The following AGBL4 variants were observed in gnomAD, a reference collection of about 807,000 sequenced individuals.
AGBL4 encodes AGBL carboxypeptidase 4.
Under a neutral mutation model 66.4 loss-of-function variants are expected in AGBL4, and 58 were observed. The ratio of observed to expected loss-of-function variants is 0.87; its 90% CI spans 0.71 to 1.09. The LOEUF (loss-of-function observed/expected upper bound fraction) is 1.09, where lower values mean the gene tolerates loss of function less well. AGBL4 is among the 50% of genes least tolerant of loss of function. The probability of loss-of-function intolerance (pLI) is 0.00; values close to 1 mark genes in which losing one functional copy is unlikely to be tolerated. For synonymous variants in AGBL4, 234 were observed against 222.9 expected (o/e 1.05, Z -0.44); for missense variants, 579 against 631.0 (o/e 0.92, Z 0.88).
At chr1:48,848,088 GA>G (rs958956011) in intron 6 of AGBL4, among the ~76,000 whole-genome samples, 17 of 149,340 alleles carry the variant, frequency 1.1e-4, no homozygotes, top group African/African-American at 2.2e-4. Context: ...TTTATGTGAA[GA>G]AAAAAAAAAG....
At chr1:49,763,911 C>A (rs1163171836) in intron 2 of AGBL4, among the ~76,000 whole-genome samples, 1 of 152,150 alleles carries the variant, frequency 6.6e-6, no homozygotes, top group Non-Finnish European at 1.5e-5. Flanking sequence ...CCAGACTATA[C>A]CACATGAGAC....
At chr1:49,061,953 G>T (rs907945018) in intron 4 of AGBL4, among the ~76,000 whole-genome samples, 1 of 152,150 alleles carries the variant, frequency 6.6e-6, no homozygotes, top group Non-Finnish European at 1.5e-5. Context: ...AGGCCACACA[G>T]CAGGAGGTGA....
At chr1:48,876,513 A>C (rs1649248963) in intron 5 of AGBL4, among the ~76,000 whole-genome samples, 1 of 152,144 alleles carries the variant, frequency 6.6e-6, no homozygotes, top group South Asian at 2.1e-4. Flanking sequence ...GGGGACCTGC[A>C]AGAAGAGACT....
intron 4 of AGBL4, among the ~76,000 whole-genome samples, chr1:49,083,947 C>G (rs765417127): frequency 4.6e-5 from 7 of 152,226 alleles, no homozygotes; most frequent in Non-Finnish European, 7.3e-5. Flanking sequence ...CCAAAGATCT[C>G]TAGAGCAAGG....
At chr1:48,704,876 TTCATTA>T (rs1403865093) in intron 6 of AGBL4, among the ~76,000 whole-genome samples, 1 of 152,220 alleles carries the variant, frequency 6.6e-6, no homozygotes, top group Non-Finnish European at 1.5e-5. Flanking sequence ...CCCACAGTCA[TTCATTA>T]TCATTATCAA....
At chr1:49,651,884 G>A (rs1038690460) in intron 3 of AGBL4, among the ~76,000 whole-genome samples, 7 of 151,934 alleles carry the variant, frequency 4.6e-5, no homozygotes, top group African/African-American at 1.7e-4. Context: ...CTAAAATGAT[G>A]ATTAAGAATT....
chr1:48,923,665 T>G (rs1654280451), intron 5 of AGBL4, among the ~76,000 whole-genome samples: 1 of 152,224 alleles, frequency 6.6e-6, no homozygotes, highest in South Asian at 2.1e-4. Context: ...TTGAATATTT[T>G]AATGTCACTG....
At chr1:48,712,677 G>C (rs1210702419) in intron 6 of AGBL4, among the ~76,000 whole-genome samples, 1 of 152,130 alleles carries the variant, frequency 6.6e-6, no homozygotes, top group Non-Finnish European at 1.5e-5. Flanking sequence ...AGTCACACCT[G>C]GCCTAGAGGA....
intron 3 of AGBL4, among the ~76,000 whole-genome samples, chr1:49,484,598 G>T (rs912425655): frequency 6.6e-6 from 1 of 151,946 alleles, no homozygotes; most frequent in African/African-American, 2.4e-5. Context: ...ATTATCAGAG[G>T]CTGGAAAGGG....
chr1:49,362,449 CAAAAAA>C (rs145467066), intron 3 of AGBL4, among the ~76,000 whole-genome samples: 2 of 80,904 alleles, frequency 2.5e-5, no homozygotes, highest in South Asian at 5.6e-4. Context: ...GACCCTGTCT[CAAAAAA>C]AAAAAAAAAA....
intron 1 of AGBL4, among the ~76,000 whole-genome samples, chr1:49,854,588 C>T (rs1299172658): frequency 6.6e-6 from 1 of 152,082 alleles, no homozygotes; most frequent in African/African-American, 2.4e-5. Context: ...AATCCCCCAT[C>T]AGACTACCTC....
At chr1:49,944,371 A>C (rs1198236288) in intron 1 of AGBL4, among the ~76,000 whole-genome samples, 1 of 152,154 alleles carries the variant, frequency 6.6e-6, no homozygotes, top group East Asian at 1.9e-4. Flanking sequence ...GTTTCATAAC[A>C]CAGGACTCTG....
intron 4 of AGBL4, among the ~76,000 whole-genome samples, chr1:49,225,909 A>G (rs879812971): frequency 6.6e-6 from 1 of 152,208 alleles, no homozygotes; most frequent in Non-Finnish European, 1.5e-5. Context: ...CTTGAGAACT[A>G]GATTCACATC....
intron 2 of AGBL4, among the ~76,000 whole-genome samples, chr1:49,767,583 GA>G (rs551050934): frequency 1.4e-4 from 21 of 149,530 alleles, no homozygotes; most frequent in East Asian, 5.9e-4. Flanking sequence ...AACATAAGCG[GA>G]AAAAAAAAGA....
intron 3 of AGBL4, among the ~76,000 whole-genome samples, chr1:49,390,644 A>G (rs933203160): frequency 6.6e-6 from 1 of 152,204 alleles, no homozygotes; most frequent in Non-Finnish European, 1.5e-5. Flanking sequence ...CAGTACAGGA[A>G]GTAGTAGAGC....
intron 6 of AGBL4, among the ~76,000 whole-genome samples, chr1:48,671,531 G>A (rs1161831825): frequency 6.6e-6 from 1 of 152,170 alleles, no homozygotes; most frequent in Non-Finnish European, 1.5e-5. Flanking sequence ...TGAGCTCTAG[G>A]ATCTTTCATT....
intron 9 of AGBL4, among the ~76,000 whole-genome samples, chr1:48,632,414 T>A (rs1326610039): frequency 6.6e-6 from 1 of 152,208 alleles, no homozygotes; most frequent in Non-Finnish European, 1.5e-5. Flanking sequence ...CAATAATTAA[T>A]GACAGCAATG....
chr1:49,704,897 T>C (rs911431876), intron 2 of AGBL4, among the ~76,000 whole-genome samples: 1 of 152,132 alleles, frequency 6.6e-6, no homozygotes, highest in Non-Finnish European at 1.5e-5. Context: ...CTTAGGATTG[T>C]TTTGAATATA....
intron 6 of AGBL4, among the ~76,000 whole-genome samples, chr1:48,775,932 C>CT (rs1206690653): frequency 6.6e-6 from 1 of 152,206 alleles, no homozygotes; most frequent in East Asian, 1.9e-4. Context: ...GGTGTGGAGG[C>CT]TGAGGGATGC....
Sources: allele counts gnomAD v4.1 joint callset (sites outside exome capture counted in the v4.1 genomes callset), GRCh38; gene constraint gnomAD v4.1.1; transcripts MANE v1.5; gene names NCBI Gene and HGNC (gene_info 2026-07-23, HGNC 2026-07-21).